NAALADL2: variants seen among roughly 807,000 people sequenced by gnomAD.
The protein encoded by NAALADL2 is inactive N-acetylated-alpha-linked acidic dipeptidase-like protein 2.
NAALADL2 carries 76 observed loss-of-function variants against 87.2 expected under a neutral mutation model. That is an observed-to-expected ratio of 0.87 (90% CI 0.72 to 1.05). The LOEUF (loss-of-function observed/expected upper bound fraction) is 1.05. Among genes scored for constraint, NAALADL2 ranks in the 50% least tolerant of loss-of-function variants. NAALADL2 has a pLI of 0.00. For synonymous variants in NAALADL2, 354 were observed against 331.0 expected (o/e 1.07, Z -0.75); for missense variants, 1,089 against 945.8 (o/e 1.15, Z -1.99).
chr3:175,034,667 G>C (rs557350628), intron 1 of NAALADL2, among the ~76,000 whole-genome samples: 1 of 152,072 alleles, frequency 6.6e-6, no homozygotes. Flanking sequence ...GTGAATGCTA[G>C]ATCCAAACTG....
At chr3:175,355,407 T>C (rs1016440189) in intron 5 of NAALADL2, among the ~76,000 whole-genome samples, 9 of 152,106 alleles carry the variant, frequency 5.9e-5, no homozygotes. Flanking sequence ...ATGAGATGTC[T>C]GTTCAAGCAA....
At chr3:174,593,170 T>G (rs1158873425) in intron 2 of NAALADL2, among the ~76,000 whole-genome samples, 1 of 152,184 alleles carries the variant, frequency 6.6e-6, no homozygotes, top group Non-Finnish European at 1.5e-5. Flanking sequence ...AATTTCCATA[T>G]TAACCTTCCT....
chr3:174,658,489 A>C (rs553706656), intron 2 of NAALADL2, among the ~76,000 whole-genome samples: 113 of 152,030 alleles, frequency 7.4e-4, no homozygotes, highest in Non-Finnish European at 1.3e-3. Flanking sequence ...AGTTTTTAGA[A>C]ATTTTTTTGT....
At position 175,471,690 on chromosome 3, in the gene NAALADL2, A is replaced by G. The variant is rs373416334; in HGVS notation, c.1585A>G (p.Ser529Gly). The G allele has an allele frequency of 6.3e-7, 1 of 1,589,014 alleles. No homozygotes were observed. Among genetic ancestry groups the G allele is most frequent in the Non-Finnish European group, 8.6e-7 (1 of 1,159,306 alleles). Residue 529 changes from serine to glycine, a missense_variant, in exon 9 of 14, where the codon AGT becomes GGT. Transcript: ENST00000454872. ...TGTTGTGGCTTATATTAGCCTCCAC[A>G]GTCCCATAAGGGGGAACTCTAGTCT... The part of the protein sequence containing the change: ...KNVVAYISLH[S>G]PIRGNSSLYP...
At chr3:175,320,277 T>G (rs2110388062) in intron 4 of NAALADL2, among the ~76,000 whole-genome samples, 1 of 152,318 alleles carries the variant, frequency 6.6e-6, no homozygotes, top group South Asian at 2.1e-4. Flanking sequence ...AAACTTAGTA[T>G]ATTGTCAAGT....
intron 13 of NAALADL2, among the ~76,000 whole-genome samples, chr3:175,769,655 G>C (rs143377245): frequency 6.6e-4 from 101 of 152,144 alleles, no homozygotes; most frequent in African/African-American, 2.0e-3. Context: ...AATAATCTAG[G>C]CATGTCAGTC....
intron 2 of NAALADL2, among the ~76,000 whole-genome samples, chr3:175,182,550 G>GTTTTTTTTTTTTTTTT (rs1161831796): frequency 1.4e-4 from 10 of 69,474 alleles, no homozygotes; most frequent in African/African-American, 4.2e-4. Flanking sequence ...ACCACAGCCA[G>GTTTTTTTTTTTTTTTT]TTTTTTTTTT....
intron 10 of NAALADL2, among the ~76,000 whole-genome samples, chr3:175,611,866 T>G (rs753452408): frequency 2.0e-4 from 31 of 152,212 alleles, no homozygotes; most frequent in Admixed American, 5.9e-4. Flanking sequence ...AGTGGCTTTC[T>G]TTAACAACTA....
intron 2 of NAALADL2, among the ~76,000 whole-genome samples, chr3:174,703,054 TAC>T (rs1729707512): frequency 1.3e-5 from 2 of 152,210 alleles, no homozygotes; most frequent in Admixed American, 6.5e-5. Context: ...TCTCTATCAA[TAC>T]AGAGGATTTC....
intron 1 of NAALADL2, among the ~76,000 whole-genome samples, chr3:174,974,718 T>C (rs1005508234): frequency 3.9e-5 from 6 of 152,180 alleles, no homozygotes; most frequent in Non-Finnish European, 5.9e-5. Context: ...TGTTCAATTG[T>C]ATAACATTTA....
intron 1 of NAALADL2, among the ~76,000 whole-genome samples, chr3:174,467,885 A>T (rs1716635237): frequency 6.7e-6 from 1 of 149,894 alleles, no homozygotes; most frequent in Non-Finnish European, 1.5e-5. Context: ...GCTGAACAAA[A>T]TTTTTTTTTT....
At chr3:175,161,217 A>C (rs1351998480) in intron 2 of NAALADL2, among the ~76,000 whole-genome samples, 1 of 152,126 alleles carries the variant, frequency 6.6e-6, no homozygotes, top group Admixed American at 6.6e-5. Context: ...TCTTGTCTGC[A>C]AGCAACAGAA....
At position 175,453,619 on chromosome 3, in the gene NAALADL2, A is replaced by G. The variant is rs148358268; in HGVS notation, c.1234+6247A>G. On this transcript the variant is annotated intron_variant, in intron 6 of 13. Transcript: ENST00000454872. ...CTTCCGAGAATATCATAAGCAGAGC[A>G]TAAGCAACTGAATTTTCATTAGAAT... Among the ~76,000 whole-genome samples the G allele has an allele frequency of 3.5e-3, 540 of 152,288 alleles. 3 individuals carry two copies. Among genetic ancestry groups the G allele is most frequent in the Non-Finnish European group, 5.5e-3 (372 of 68,002 alleles).
intron 4 of NAALADL2, among the ~76,000 whole-genome samples, chr3:175,292,046 C>T (rs1357736000): frequency 6.6e-6 from 1 of 152,110 alleles, no homozygotes; most frequent in African/African-American, 2.4e-5. Flanking sequence ...TCAGAGAATG[C>T]CATTTGAAAA....
chr3:175,429,130 G>A (rs1165707617), intron 5 of NAALADL2, among the ~76,000 whole-genome samples: 1 of 150,070 alleles, frequency 6.7e-6, no homozygotes, highest in Non-Finnish European at 1.5e-5. Context: ...ATATTAAAAT[G>A]TTAACATAAA....
At chr3:174,780,027 T>TGGGG (rs1241949673) in intron 3 of NAALADL2, among the ~76,000 whole-genome samples, 1 of 152,198 alleles carries the variant, frequency 6.6e-6, no homozygotes, top group African/African-American at 2.4e-5. Flanking sequence ...TGTAGCTTGA[T>TGGGG]GGGGATAGCA....
intron 11 of NAALADL2, among the ~76,000 whole-genome samples, chr3:175,691,255 T>A (rs1047317816): frequency 1.3e-5 from 2 of 150,594 alleles, no homozygotes; most frequent in Non-Finnish European, 3.0e-5. Context: ...TACACACAGA[T>A]AATATATATA....
intron 9 of NAALADL2, among the ~76,000 whole-genome samples, chr3:175,506,443 T>C (rs1730326882): frequency 1.3e-5 from 2 of 152,188 alleles, no homozygotes. Context: ...TCTCTAAATG[T>C]TTAATCTAAT....
chr3:174,481,753 T>C (rs778864698), intron 1 of NAALADL2, among the ~76,000 whole-genome samples: 2 of 151,908 alleles, frequency 1.3e-5, no homozygotes, highest in Non-Finnish European at 2.9e-5. Context: ...TTTCCAAGAG[T>C]CTTCCACTAG....
Sources: gnomAD v4.1 joint callset for allele counts (sites outside exome capture counted in the v4.1 genomes callset) on GRCh38, gnomAD v4.1.1 for gene constraint, MANE v1.5 for transcripts, NCBI Gene and HGNC (gene_info 2026-07-23, HGNC 2026-07-21) for gene names.